The following FSHR variants were observed in gnomAD, a reference collection of about 807,000 sequenced individuals.
FSHR encodes the protein follicle stimulating hormone receptor.
In FSHR, 46 loss-of-function variants were observed where a neutral mutation model predicts 52.1. The ratio of observed to expected loss-of-function variants is 0.88; its 90% confidence interval spans 0.70 to 1.13. The LOEUF (loss-of-function observed/expected upper bound fraction) is 1.13. Ranked by LOEUF, FSHR falls within the 50% of genes most tolerant of loss-of-function variation. FSHR has a pLI of 0.00. For synonymous variants in FSHR, 399 were observed against 309.6 expected (o/e 1.29, Z -3.03); for missense variants, 964 against 834.6 (o/e 1.16, Z -1.91).
chr2:48,968,707 C>T lies in FSHR; in HGVS notation c.845G>A (p.Arg282Lys), dbSNP rs778347443. The T allele has an allele frequency of 1.2e-6, 2 of 1,614,146 alleles. No individual in the cohort carries two copies. Among genetic ancestry groups the T allele is most frequent in the Non-Finnish European group, 1.7e-6 (2 of 1,179,990 alleles). Residue 282 changes from arginine to lysine, a missense_variant, in exon 9 of 10, where the codon AGA becomes AAA. Physicochemically the swap from Arg to Lys is conservative, Grantham distance 26. Transcript: ENST00000406846. ...TAAAGGATGGACTCACATTTGCCGTCTCCAGTTTGCAAAGGCACAGCAATG... is the reference window on the plus strand; with the variant it reads ...TAAAGGATGGACTCACATTTGCCGTTTCCAGTTTGCAAAGGCACAGCAATG... Reference protein sequence around the residue: ...PSHCCAFANWRRQISELHPIC... With the variant: ...PSHCCAFANWKRQISELHPIC...
In FSHR at chr2:48,963,012, A is replaced by T; in HGVS notation, c.1809T>A (p.Thr603=). Residue 603 remains threonine (T), a synonymous_variant, in exon 10 of 10, where the codon ACT becomes ACA. Coordinates refer to ENST00000406846, the MANE Select transcript of FSHR (RefSeq NM_000145.4). ...CCAGCAGAATCTTTGCTTTGGACAC[A>T]GTGATGAGGGGCACCTTGAGGGAGG... ...ISASLKVPLI[T]VSKAKILLVL... is the part of the protein sequence containing the mutation. 1 of 1,614,154 alleles carries T rather than the reference A, an allele frequency of 6.2e-7. No individual in the cohort carries two copies. Among genetic ancestry groups the T allele is most frequent in the South Asian group, 1.1e-5 (1 of 91,086 alleles).
intron 2 of FSHR, among the ~76,000 whole-genome samples, chr2:49,037,500 C>T (rs936323099): frequency 1.8e-4 from 27 of 152,192 alleles, no homozygotes; most frequent in African/African-American, 6.3e-4. Flanking sequence ...TTTTAAGAAG[C>T]TGCAGCAGAT....
chr2:48,963,662 G>A lies in FSHR; in HGVS notation c.1159C>T (p.Leu387=). 2 of 1,614,126 alleles carry A rather than the reference G, an allele frequency of 1.2e-6. No individual in the cohort carries two copies. The highest frequency in any genetic ancestry group is 8.5e-7 in the Non-Finnish European group (1 of 1,180,002). ...GTGAGTTTATATTGGCTGGTAGTTA[G>A]GATCACTAGCACTATGATGTTCCCA... ...ITGNIIVLVI[L]TTSQYKLTVP... is the part of the protein sequence containing the mutation. Residue 387 remains leucine (L), a synonymous_variant, in exon 10 of 10, where the codon CTA becomes TTA. Transcript: ENST00000406846.
At chr2:49,152,910 T>C (rs1673114164) in intron 1 of FSHR, among the ~76,000 whole-genome samples, 1 of 152,250 alleles carries the variant, frequency 6.6e-6, no homozygotes, top group African/African-American at 2.4e-5. Context: ...ATTGGCCTTC[T>C]CCTGTGCTTA....
chr2:49,097,189 T>G (rs1045587495), intron 1 of FSHR, among the ~76,000 whole-genome samples: 14 of 152,222 alleles, frequency 9.2e-5, no homozygotes, highest in African/African-American at 2.4e-4. Context: ...GTAAATTCTT[T>G]TTTTCTGTTC....
chr2:49,096,685 A>G (rs958793813), intron 1 of FSHR, among the ~76,000 whole-genome samples: 1 of 152,182 alleles, frequency 6.6e-6, no homozygotes, highest in Non-Finnish European at 1.5e-5. Flanking sequence ...CCATGGTGAT[A>G]TAGTTTATGT....
At chr2:49,135,037 C>T (rs1466909743) in intron 1 of FSHR, among the ~76,000 whole-genome samples, 1 of 152,020 alleles carries the variant, frequency 6.6e-6, no homozygotes, top group Non-Finnish European at 1.5e-5. Context: ...GCACAATGTG[C>T]ACATGTACCC....
At chr2:49,011,695 C>A (rs1356858700) in intron 4 of FSHR, among the ~76,000 whole-genome samples, 1 of 151,950 alleles carries the variant, frequency 6.6e-6, no homozygotes, top group Non-Finnish European at 1.5e-5. Context: ...CAAAGTTAAG[C>A]CGATTATACA....
intron 1 of FSHR, among the ~76,000 whole-genome samples, chr2:49,130,542 T>G (rs986763211): frequency 6.6e-6 from 1 of 152,250 alleles, no homozygotes; most frequent in Non-Finnish European, 1.5e-5. Flanking sequence ...ATCTATTGAA[T>G]TTAGTGCAAG....
chr2:49,023,874 C>CT (rs1667828032), intron 2 of FSHR, among the ~76,000 whole-genome samples: 1 of 152,112 alleles, frequency 6.6e-6, no homozygotes, highest in Non-Finnish European at 1.5e-5. Flanking sequence ...GGCATTCTCT[C>CT]TGGTGTGGGT....
rs866054251 is a variant in FSHR, at chr2:49,060,948, C to A, written c.224+7271G>T. Among the ~76,000 whole-genome samples the A allele has an allele frequency of 3.9e-5, 6 of 152,146 alleles. No homozygotes were observed. The South Asian group carries it at 1.2e-3, about 32-fold the overall frequency. ...CTATGGTCACTACTGCAAAGTGCCT[C>A]ATCTCCTGGGAGATGCCACTGGGTA... On this transcript the variant is annotated intron_variant, in intron 2 of 9. Transcript: ENST00000406846.
At chr2:49,086,074 T>C (rs1281399063) in intron 1 of FSHR, among the ~76,000 whole-genome samples, 1 of 152,114 alleles carries the variant, frequency 6.6e-6, no homozygotes, top group African/African-American at 2.4e-5. Context: ...GTAACTAACC[T>C]GCACATTGTG....
At chr2:49,042,044 T>A (rs1482287857) in intron 2 of FSHR, among the ~76,000 whole-genome samples, 1 of 152,118 alleles carries the variant, frequency 6.6e-6, no homozygotes, top group Non-Finnish European at 1.5e-5. Context: ...CTTGGGAGGC[T>A]GAGATGGGTT....
chr2:49,065,662 C>G (rs1489460742), intron 2 of FSHR, among the ~76,000 whole-genome samples: 1 of 151,944 alleles, frequency 6.6e-6, no homozygotes, highest in African/African-American at 2.4e-5. Context: ...GAATTATGGC[C>G]TCAGGAGAGA....
intron 1 of FSHR, among the ~76,000 whole-genome samples, chr2:49,089,268 G>A (rs538473389): frequency 6.6e-6 from 1 of 152,250 alleles, no homozygotes; most frequent in African/African-American, 2.4e-5. Flanking sequence ...GGGATGGAAT[G>A]AAAGCATTTT....
chr2:49,023,233 C>A (rs1000372547), intron 2 of FSHR, among the ~76,000 whole-genome samples: 10 of 152,286 alleles, frequency 6.6e-5, no homozygotes, highest in African/African-American at 2.2e-4. Flanking sequence ...TCAGCTGAAG[C>A]AATCACAACC....
At chr2:49,066,357 A>C (rs980930365) in intron 2 of FSHR, among the ~76,000 whole-genome samples, 9 of 152,050 alleles carry the variant, frequency 5.9e-5, no homozygotes, top group African/African-American at 2.2e-4. Flanking sequence ...CAACTGGAAG[A>C]ACACAAGTGA....
chr2:48,974,007 C>T lies in FSHR; in HGVS notation c.669-5124G>A, dbSNP rs116632759. On this transcript the variant is annotated intron_variant, in intron 8 of 9. Transcript: ENST00000406846. ...TGAAATCTATTGAGTAAGTAGTTGT[C>T]TGATAAGCAGACATGACTCAGCATT... Among the ~76,000 whole-genome samples the T allele has an allele frequency of 3.2e-3, 472 of 145,276 alleles. 6 individuals are homozygous for T. Among genetic ancestry groups the T allele is most frequent in the African/African-American group, 0.013 (457 of 35,050 alleles).
At chr2:48,991,600 A>G (rs944443509) in intron 4 of FSHR, among the ~76,000 whole-genome samples, 1 of 152,154 alleles carries the variant, frequency 6.6e-6, no homozygotes. Flanking sequence ...AAGAAGCCCC[A>G]GAGTAGGAAG....
Sources: gnomAD v4.1 joint callset for allele counts (sites outside exome capture counted in the v4.1 genomes callset) on GRCh38, gnomAD v4.1.1 for gene constraint, MANE v1.5 for transcripts, NCBI Gene and HGNC (gene_info 2026-07-23, HGNC 2026-07-21) for gene names.